Variants in CHN2 observed in about 807,000 individuals in gnomAD.
CHN2 encodes the protein beta-chimaerin.
Under a neutral mutation model 56.3 loss-of-function variants are expected in CHN2, and 35 were observed. The ratio of observed to expected loss-of-function variants is 0.62; its 90% CI spans 0.47 to 0.82. CHN2 has a LOEUF of 0.82. CHN2 is among the 40% of genes least tolerant of loss of function. The probability of loss-of-function intolerance (pLI) is 0.00; values close to 1 mark genes in which losing one functional copy is unlikely to be tolerated. For synonymous variants in CHN2, 210 were observed against 212.8 expected (o/e 0.99, Z 0.12); for missense variants, 491 against 580.5 (o/e 0.85, Z 1.58).
intron 3 of CHN2, among the ~76,000 whole-genome samples, chr7:29,375,037 G>A (rs960128897): frequency 2.7e-4 from 40 of 146,952 alleles, no homozygotes; most frequent in Non-Finnish European, 4.0e-4. Flanking sequence ...ACAGGCATGT[G>A]CCACCACACC....
intron 1 of CHN2, among the ~76,000 whole-genome samples, chr7:29,234,122 C>T (rs1056673482): frequency 3.3e-5 from 5 of 151,568 alleles, no homozygotes; most frequent in African/African-American, 4.9e-5. Flanking sequence ...CGTGAGCCAC[C>T]GCGCCCGGCC....
At chr7:29,387,572 C>G (rs1801014607) in intron 3 of CHN2, among the ~76,000 whole-genome samples, 1 of 152,224 alleles carries the variant, frequency 6.6e-6, no homozygotes, top group African/African-American at 2.4e-5. Context: ...CTTAGAATTG[C>G]AGATCCCACA....
chr7:29,220,660 A>G (rs1466085214), intron 1 of CHN2, among the ~76,000 whole-genome samples: 3 of 152,206 alleles, frequency 2.0e-5, no homozygotes, highest in Non-Finnish European at 4.4e-5. Flanking sequence ...CGACAATTAA[A>G]TGCCTTCCCC....
intron 1 of CHN2, among the ~76,000 whole-genome samples, chr7:29,210,768 G>C (rs2128779537): frequency 6.6e-6 from 1 of 152,216 alleles, no homozygotes; most frequent in South Asian, 2.1e-4. Context: ...GCTTTACTGA[G>C]AAGGTGACAC....
At chr7:29,371,272 A>G (rs1373340070) in intron 3 of CHN2, among the ~76,000 whole-genome samples, 1 of 152,228 alleles carries the variant, frequency 6.6e-6, no homozygotes, top group Non-Finnish European at 1.5e-5. Context: ...ACCAGGAAAA[A>G]AGATACTGAG....
rs1045127264 is a variant in CHN2 at position 29,470,204 on chromosome 7, T to C, written c.577-10075T>C. Among the ~76,000 whole-genome samples the C allele has an allele frequency of 3.9e-5, 6 of 152,202 alleles. No individual in the cohort carries two copies. The East Asian group carries it at 1.2e-3, about 29-fold the overall frequency. On this transcript the variant is annotated intron_variant, in intron 6 of 12. Transcript: ENST00000222792. ...AGGGACAACACAGTCCTACGCTTGG[T>C]AGAGCTAGTCTTCCCAAACACAAAT...
intron 1 of CHN2, among the ~76,000 whole-genome samples, chr7:29,221,426 A>G (rs1398878949): frequency 1.3e-5 from 2 of 152,242 alleles, no homozygotes; most frequent in Non-Finnish European, 2.9e-5. Context: ...AGTAACGTTA[A>G]AAAATCAAGT....
intron 6 of CHN2, among the ~76,000 whole-genome samples, chr7:29,440,247 T>C (rs1783532661): frequency 6.6e-6 from 1 of 152,128 alleles, no homozygotes; most frequent in African/African-American, 2.4e-5. Context: ...TAAGACAACC[T>C]CACAAACATA....
intron 1 of CHN2, among the ~76,000 whole-genome samples, chr7:29,275,653 GC>G (rs1157271128): frequency 1.3e-5 from 2 of 152,168 alleles, no homozygotes; most frequent in African/African-American, 2.4e-5. Context: ...TCTCACCACA[GC>G]CCTTTGAAGG....
intron 1 of CHN2, among the ~76,000 whole-genome samples, chr7:29,327,444 C>T (rs1443087920): frequency 6.6e-6 from 1 of 152,164 alleles, no homozygotes; most frequent in Non-Finnish European, 1.5e-5. Flanking sequence ...AGTGCCGAAA[C>T]TTCTAGTTTT....
At chr7:29,372,776 A>G (rs1293910133) in intron 3 of CHN2, among the ~76,000 whole-genome samples, 1 of 152,222 alleles carries the variant, frequency 6.6e-6, no homozygotes, top group Non-Finnish European at 1.5e-5. Context: ...GGACTAATCC[A>G]AGTTTCTTCT....
In CHN2 at chr7:29,249,835, T is replaced by C. The variant is rs1788354949; in HGVS notation, c.49+54845T>C. ...TCTATAAGGAAAAAATAGGAAAGAC[T>C]TTTCAGGAATGGTAGCGACATGAAT... On this transcript the variant is annotated intron_variant, in intron 1 of 12. Transcript: ENST00000222792. Among the ~76,000 whole-genome samples the C allele has an allele frequency of 2.0e-5, 3 of 152,352 alleles. No individual in the cohort carries two copies. The South Asian group carries it at 6.2e-4, about 32-fold the overall frequency.
chr7:29,198,441 G>A (rs1247722046), intron 1 of CHN2, among the ~76,000 whole-genome samples: 2 of 151,996 alleles, frequency 1.3e-5, no homozygotes, highest in Non-Finnish European at 2.9e-5. Flanking sequence ...GAAATAATCA[G>A]GTTACAATTA....
chr7:29,395,242 G>T (rs533847622), intron 4 of CHN2, among the ~76,000 whole-genome samples: 6 of 152,288 alleles, frequency 3.9e-5, no homozygotes, highest in African/African-American at 1.4e-4. Context: ...ATAAATTATG[G>T]CTGGGCACAG....
chr7:29,300,326 G>A (rs376619118), intron 1 of CHN2, among the ~76,000 whole-genome samples: 1 of 152,144 alleles, frequency 6.6e-6, no homozygotes, highest in Non-Finnish European at 1.5e-5. Context: ...AGGCAAGAAA[G>A]ACCCTGAAAG....
chr7:29,476,605 C>T (rs1786619100), intron 6 of CHN2, among the ~76,000 whole-genome samples: 1 of 151,144 alleles, frequency 6.6e-6, no homozygotes, highest in Non-Finnish European at 1.5e-5. Flanking sequence ...CTGAGTATAA[C>T]ACTTGGCACA....
intron 1 of CHN2, among the ~76,000 whole-genome samples, chr7:29,287,269 C>T (rs557633795): frequency 6.6e-6 from 1 of 152,108 alleles, no homozygotes; most frequent in Non-Finnish European, 1.5e-5. Context: ...AGCCACCTTG[C>T]CCCCAGGAAG....
At chr7:29,490,691 T>A (rs1178341124) in intron 7 of CHN2, among the ~76,000 whole-genome samples, 1 of 152,240 alleles carries the variant, frequency 6.6e-6, no homozygotes, top group East Asian at 1.9e-4. Context: ...TATGTGTGAT[T>A]TGGTTTCTTG....
At chr7:29,314,118 A>G (rs1259025538) in intron 1 of CHN2, among the ~76,000 whole-genome samples, 1 of 152,234 alleles carries the variant, frequency 6.6e-6, no homozygotes, top group Non-Finnish European at 1.5e-5. Context: ...CTACAGTAGC[A>G]TTATTCACAA....
Sources: gnomAD v4.1 joint callset for allele counts (sites outside exome capture counted in the v4.1 genomes callset) on GRCh38, gnomAD v4.1.1 for gene constraint, MANE v1.5 for transcripts, NCBI Gene and HGNC (gene_info 2026-07-23, HGNC 2026-07-21) for gene names.